The following TUBGCP3 variants were observed in gnomAD, a reference collection of about 807,000 sequenced individuals.
TUBGCP3 encodes tubulin gamma complex component 3.
TUBGCP3 carries 50 observed loss-of-function variants against 123.1 expected under a neutral mutation model. The ratio of observed to expected loss-of-function variants is 0.41; its 90% CI spans 0.32 to 0.51. The LOEUF is 0.51. Among genes scored for constraint, TUBGCP3 ranks in the 20% least tolerant of loss-of-function variants. The probability of loss-of-function intolerance (pLI) is 0.36; values close to 1 mark genes in which losing one functional copy is unlikely to be tolerated. For missense variants in TUBGCP3, 882 were observed against 1,127.0 expected, an observed-to-expected ratio of 0.78 and a Z score of 3.11; for synonymous variants, 405 against 413.9, an observed-to-expected ratio of 0.98 and a Z score of 0.26.
chr13:112,577,305 A>G (rs1881897580), intron 1 of TUBGCP3, among the ~76,000 whole-genome samples: 1 of 152,206 alleles, frequency 6.6e-6, no homozygotes, highest in South Asian at 2.1e-4. Context: ...AGAATGATGA[A>G]TCACCCTGGT....
At chr13:112,594,189 C>T in the TUBGCP3 span, among the ~76,000 whole-genome samples, 1 of 152,134 alleles carries the variant, frequency 6.6e-6, no homozygotes, top group African/African-American at 2.4e-5. Flanking sequence ...AACCTGATAC[C>T]AAAGCCAGGC....
chr13:112,535,385 G>A (rs1022859901), intron 11 of TUBGCP3, among the ~76,000 whole-genome samples: 2 of 152,130 alleles, frequency 1.3e-5, no homozygotes, highest in African/African-American at 4.8e-5. Flanking sequence ...CAGAGGGGCT[G>A]CACCATTCTG....
At position 112,556,178 on chromosome 13, in the gene TUBGCP3, A is replaced by T. The variant is rs764625129; in HGVS notation, c.595T>A (p.Leu199Met). ...PGVGDCLRQQ[L>M]GSRLAWTLTA... ...AAAGTCCATGCGAGTCGTGACCCCA[A>T]CTGCTGTCGAAGGCAATCTCCTACT... is the stretch of plus-strand genomic sequence containing the variant. The change falls in exon 6 of 22, where the codon TTG becomes ATG. Residue 199 changes from leucine (L) to methionine (M), a missense_variant. Physicochemically the swap from Leu to Met is conservative, Grantham distance 15 (BLOSUM62 2). Transcript: ENST00000261965. 6.2e-7 allele frequency: 1 copy of T among 1,614,144 alleles called. No homozygotes were observed. Among genetic ancestry groups the T allele is most frequent in the Admixed American group, 1.7e-5 (1 of 60,024 alleles).
At chr13:112,518,168 C>A (rs910788721) in intron 16 of TUBGCP3, among the ~76,000 whole-genome samples, 11 of 152,124 alleles carry the variant, frequency 7.2e-5, no homozygotes, top group Non-Finnish European at 1.6e-4. Context: ...GGTTTCTTAC[C>A]CCCAAGAGGA....
rs768595641 is a variant in TUBGCP3, at chr13:112,545,807, C to T, written c.1227G>A (p.Pro409=). ...TGTGCTGCACCAGAGACCGCATGTA[C>T]GGGTCTCCTGTTTTTGTGTAGGCGT... ...AVHAYTKTGD[P]YMRSLVQHIL... Residue 409 remains proline (P), a synonymous_variant, in exon 11 of 22, where the codon CCG becomes CCA. Coordinates refer to ENST00000261965, the MANE Select transcript of TUBGCP3 (RefSeq NM_006322.6). This position sits in a 1 kb window ranked among gnomAD's most constrained non-coding sequence, Gnocchi z 4.1. 1.5e-5 allele frequency: 24 copies of T among 1,614,026 alleles called. 2 individuals carry two copies. The highest frequency in any genetic ancestry group is 1.6e-4 in the Middle Eastern group (1 of 6,084).
the TUBGCP3 span, among the ~76,000 whole-genome samples, chr13:112,596,790 T>G: frequency 2.0e-5 from 3 of 152,200 alleles, no homozygotes; most frequent in Non-Finnish European, 4.4e-5. Flanking sequence ...TATTTTCTCT[T>G]TGTTGTTCAG....
chr13:112,579,556 C>CG (rs1882130847), intron 1 of TUBGCP3, among the ~76,000 whole-genome samples: 2 of 132,780 alleles, frequency 1.5e-5, no homozygotes, highest in South Asian at 5.0e-4. Flanking sequence ...TGCTGAGTGC[C>CG]GGGGGGCCAC....
chr13:112,514,817 G>A (rs1262276387), intron 17 of TUBGCP3, among the ~76,000 whole-genome samples: 1 of 152,126 alleles, frequency 6.6e-6, no homozygotes, highest in Middle Eastern at 3.2e-3. Flanking sequence ...AATATTCAGA[G>A]GCATATAAAG....
chr13:112,487,051 G>GTA (rs1253906699), intron 21 of TUBGCP3, among the ~76,000 whole-genome samples: 3 of 90,120 alleles, frequency 3.3e-5, no homozygotes, highest in African/African-American at 4.4e-5. Context: ...CAAACACTGT[G>GTA]TATGTGTGTG....
intron 1 of TUBGCP3, among the ~76,000 whole-genome samples, chr13:112,573,247 G>T (rs1881553006): frequency 6.6e-6 from 1 of 151,082 alleles, no homozygotes; most frequent in Admixed American, 6.6e-5. Context: ...GAGAAGACAA[G>T]CTCTTGAATA....
At chr13:112,503,233 C>T (rs1256070031) in intron 19 of TUBGCP3, among the ~76,000 whole-genome samples, 4 of 152,142 alleles carry the variant, frequency 2.6e-5, no homozygotes, top group Non-Finnish European at 5.9e-5. Context: ...TCCTTCTTGT[C>T]CCAGACCTCA....
the TUBGCP3 span, among the ~76,000 whole-genome samples, chr13:112,598,525 G>A: frequency 6.6e-6 from 1 of 152,086 alleles, no homozygotes; most frequent in Non-Finnish European, 1.5e-5. Context: ...TGTTACCTTT[G>A]AAATGTCCTA....
chr13:112,565,253 C>T (rs779224264), intron 2 of TUBGCP3, 75 bp from the exon 3 acceptor site: 67 of 1,288,156 alleles, frequency 5.2e-5, no homozygotes, highest in Non-Finnish European at 7.2e-5. Flanking sequence ...ATTTCACCTA[C>T]AACACCATAA....
At chr13:112,581,788 A>C (rs1386557647) in intron 1 of TUBGCP3, among the ~76,000 whole-genome samples, 1 of 152,208 alleles carries the variant, frequency 6.6e-6, no homozygotes, top group Non-Finnish European at 1.5e-5. Flanking sequence ...ACTCAAGTAC[A>C]TCACATAAAT....
Position 112,508,727 on chromosome 13 carries a change from A to G in TUBGCP3, c.2087-4013T>C, listed in dbSNP as rs1881467876. On this transcript the variant is annotated intron_variant, in intron 17 of 21. Transcript: ENST00000261965. This position sits in a 1 kb window ranked among gnomAD's most constrained non-coding sequence, Gnocchi z 4.2. Reference sequence around the variant, plus strand: ...TGAATGGAATCACTATCCCCCCCAAAGAAGCTCTTCCTCCAGTGCTCCCTG... The same window carrying G: ...TGAATGGAATCACTATCCCCCCCAAGGAAGCTCTTCCTCCAGTGCTCCCTG... Among the ~76,000 whole-genome samples, 1 of 152,118 alleles carries G rather than the reference A, an allele frequency of 6.6e-6. No individual in the cohort carries two copies. The highest frequency in any genetic ancestry group is 2.4e-5 in the African/African-American group (1 of 41,414).
At chr13:112,602,000 A>G in the TUBGCP3 span, among the ~76,000 whole-genome samples, 6 of 152,296 alleles carry the variant, frequency 3.9e-5, no homozygotes, top group South Asian at 2.1e-4. Flanking sequence ...TATATCTCCA[A>G]TCCTCACAAC....
chr13:112,584,853 A>AAT (rs780636661), intron 1 of TUBGCP3, among the ~76,000 whole-genome samples: 3 of 152,252 alleles, frequency 2.0e-5, no homozygotes, highest in Non-Finnish European at 4.4e-5. Context: ...AGACATAATA[A>AAT]ATAAATGTGC....
upstream of TUBGCP3, among the ~76,000 whole-genome samples, chr13:112,591,908 G>T (rs1031915092): frequency 6.6e-6 from 1 of 152,282 alleles, no homozygotes; most frequent in East Asian, 1.9e-4. Flanking sequence ...CTTAGTTCAC[G>T]TGCCCCTTTA....
chr13:112,550,230 C>T (rs938718402), intron 8 of TUBGCP3, among the ~76,000 whole-genome samples: 5 of 152,016 alleles, frequency 3.3e-5, no homozygotes, highest in African/African-American at 4.8e-5. Flanking sequence ...TTTTATCCAG[C>T]AAAACTCCAT....
Sources: allele counts gnomAD v4.1 joint callset (sites outside exome capture counted in the v4.1 genomes callset), GRCh38; gene constraint gnomAD v4.1.1; non-coding constraint Gnocchi (gnomAD v3.1); transcripts MANE v1.5; gene names NCBI Gene and HGNC (gene_info 2026-07-23, HGNC 2026-07-21).